NUP205: variants seen among roughly 807,000 people sequenced by gnomAD.
NUP205 encodes nucleoporin 205.
In NUP205, 76 loss-of-function variants were observed where a neutral mutation model predicts 253.8. The observed-to-expected ratio is 0.30, with a 90% CI of 0.25 to 0.36. The LOEUF is 0.36. Ranked by LOEUF, NUP205 falls within the 10% of genes least tolerant of loss-of-function variation. NUP205 has a pLI of 1.00. For missense variants in NUP205, 2,162 were observed against 2,425.5 expected, an observed-to-expected ratio of 0.89 and a Z score of 2.28; for synonymous variants, 832 against 850.1, an observed-to-expected ratio of 0.98 and a Z score of 0.37.
chr7:135,628,345 CAA>C lies in NUP205; in HGVS notation c.4932+235_4932+236del, dbSNP rs571024444. On this transcript the variant is annotated intron_variant, in intron 34 of 42. Coordinates refer to ENST00000285968, the MANE Select transcript of NUP205 (RefSeq NM_015135.3). ...ATTAATAGAATCATAAGACAGGAAA[CAA>C]GAGATTGAAATTTGTTCTTCTATAA... Among the ~76,000 whole-genome samples the C allele has an allele frequency of 1.1e-3, 164 of 152,042 alleles. 1 individual carries two copies. The highest frequency in any genetic ancestry group is 3.5e-3 in the African/African-American group (144 of 41,484).
intron 1 of NUP205, among the ~76,000 whole-genome samples, chr7:135,568,812 C>G (rs539681261): frequency 6.6e-6 from 1 of 152,186 alleles, no homozygotes; most frequent in South Asian, 2.1e-4. Flanking sequence ...ATCCTTTGCT[C>G]ACACTTGTTC....
chr7:135,606,299 G>A lies in NUP205; in HGVS notation c.2905+73G>A, dbSNP rs1794085043. 23 of 984,242 alleles carry A rather than the reference G, an allele frequency of 2.3e-5. 1 individual carries two copies. Among genetic ancestry groups the A allele is most frequent in the South Asian group, 2.3e-4 (17 of 73,362 alleles). 61.0% of individuals were successfully genotyped at this position (984,242 alleles called of 1,614,324 possible). On this transcript the variant is annotated intron_variant, in intron 20 of 42. Transcript: ENST00000285968. ...TATGCTTAATTTAAAGAAAACACTT[G>A]TAATTGTTAACTGTTTTAGTGATGG...
intron 6 of NUP205, among the ~76,000 whole-genome samples, chr7:135,578,409 A>C (rs1459888883): frequency 6.6e-6 from 1 of 152,220 alleles, no homozygotes; most frequent in Non-Finnish European, 1.5e-5. Context: ...CTGTGAAGTA[A>C]ATAAAATTTT....
At chr7:135,570,349 G>A (rs1325171955) in intron 1 of NUP205, among the ~76,000 whole-genome samples, 1 of 151,588 alleles carries the variant, frequency 6.6e-6, no homozygotes, top group Non-Finnish European at 1.5e-5. Flanking sequence ...CAAGTAGCTG[G>A]GACTACATGT....
At position 135,622,913 on chromosome 7, in the gene NUP205, T is replaced by A; in HGVS notation, c.4467T>A (p.His1489Gln). ...TCTGTCGAGATGCTTGTGATGGTCA[T>A]GAGATTGGAAGGGTAAAGCAACTCT... ...EVVCRDACDG[H>Q]EIGRMLALAL... is the part of the protein sequence containing the mutation. Residue 1489 changes from histidine to glutamine, a missense_variant, in exon 31 of 43, where the codon CAT (histidine) becomes CAA (glutamine). Transcript: ENST00000285968. 2 of 1,613,988 alleles carry A rather than the reference T, an allele frequency of 1.2e-6. No homozygotes were observed. Among genetic ancestry groups the A allele is most frequent in the Non-Finnish European group, 1.7e-6 (2 of 1,179,882 alleles).
chr7:135,558,381 CG>C (rs1356997406), intron 1 of NUP205, among the ~76,000 whole-genome samples: 3 of 152,154 alleles, frequency 2.0e-5, no homozygotes, highest in Non-Finnish European at 4.4e-5. Context: ...AAGTAGGCGT[CG>C]GAGTTCCTTA....
In NUP205 at chr7:135,557,950, G is replaced by A. The variant is rs762375284; in HGVS notation, c.6G>A (p.Ala2=). M[A]TPLAVNSAAS... ...TCTGTTAGTGCGCCTCTAAGATGGC[G>A]ACGCCTTTGGCGGTAAATTCGGGTA... Residue 2 remains alanine, a synonymous_variant, in exon 1 of 43, where the codon GCG becomes GCA. Transcript: ENST00000285968. 7 of 1,613,696 alleles carry A rather than the reference G, an allele frequency of 4.3e-6. No homozygotes were observed. In the Admixed American group the frequency reaches 6.7e-5, roughly 15 times the overall value.
chr7:135,585,302 G>A (rs1353262954), intron 8 of NUP205, among the ~76,000 whole-genome samples: 2 of 152,020 alleles, frequency 1.3e-5, no homozygotes, highest in Non-Finnish European at 2.9e-5. Flanking sequence ...ACACCTGAAG[G>A]GAAGACATAT....
chr7:135,587,806 A>T lies in NUP205; in HGVS notation c.1336-49A>T, dbSNP rs771292153. The T allele has an allele frequency of 6.4e-7, 1 of 1,553,584 alleles. No individual in the cohort carries two copies. The highest frequency in any genetic ancestry group is 2.3e-5 in the East Asian group (1 of 44,108). On this transcript the variant is annotated intron_variant, in intron 9 of 42. Transcript: ENST00000285968. ...AATGTCCTTTTTTTTATTGAAAGTA[A>T]TTTTTCAGTCATAGACATTTCCCTA...
Position 135,622,909 on chromosome 7 carries a change from G to C in NUP205, c.4463G>C (p.Gly1488Ala). Residue 1488 changes from glycine to alanine, a missense_variant, in exon 31 of 43, where the codon GGT becomes GCT. Gly to Ala is a moderately conservative substitution (Grantham distance 60). Around this residue, in one of 5 missense-constraint regions of NUP205, gnomAD observed 1,144 missense variants for 1,280.9 expected, o/e 0.89. Coordinates refer to ENST00000285968, the MANE Select transcript of NUP205 (RefSeq NM_015135.3). ...MEVVCRDACD[G>A]HEIGRMLALA... is the part of the protein sequence containing the mutation. Reference sequence around the variant, plus strand: ...GTGGTCTGTCGAGATGCTTGTGATGGTCATGAGATTGGAAGGGTAAAGCAA... The same window carrying C: ...GTGGTCTGTCGAGATGCTTGTGATGCTCATGAGATTGGAAGGGTAAAGCAA... The C allele has an allele frequency of 6.2e-7, 1 of 1,614,048 alleles. No homozygotes were observed. Among genetic ancestry groups the C allele is most frequent in the Non-Finnish European group, 8.5e-7 (1 of 1,179,992 alleles).
chr7:135,644,902 A>G lies in NUP205; in HGVS notation c.5567A>G (p.Gln1856Arg). The G allele has an allele frequency of 6.2e-7, 1 of 1,613,536 alleles. No individual in the cohort carries two copies. The highest frequency in any genetic ancestry group is 1.3e-5 in the African/African-American group (1 of 75,024). Residue 1856 changes from glutamine to arginine, a missense_variant, in exon 40 of 43, where the codon CAG becomes CGG. Gln to Arg is a conservative substitution (Grantham distance 43, BLOSUM62 1). Coordinates refer to ENST00000285968, the MANE Select transcript of NUP205 (RefSeq NM_015135.3). ...LPPDEIKELC[Q>R]SVMPAGVDKI... is the part of the protein sequence containing the mutation. ...CACATTTGTTTCTTCTAGTTGTGTC[A>G]GTCTGTGATGCCTGCTGGTGTTGAT...
intron 21 of NUP205, 115 bp from the exon 22 acceptor site, chr7:135,607,130 GAA>G: frequency 7.5e-7 from 1 of 1,324,830 alleles, no homozygotes; most frequent in Non-Finnish European, 1.0e-6. Context: ...ATCAGTATTT[GAA>G]AGAGTGTTTA....
chr7:135,618,338 A>G, intron 27 of NUP205, 74 bp from the exon 28 acceptor site: 1 of 1,276,976 alleles, frequency 7.8e-7, no homozygotes, highest in Non-Finnish European at 1.1e-6. Context: ...CCAAATAAAT[A>G]TTTTCTGAGT....
chr7:135,583,578 G>A (rs1806368951), intron 7 of NUP205, among the ~76,000 whole-genome samples: 2 of 152,132 alleles, frequency 1.3e-5, no homozygotes, highest in South Asian at 2.1e-4. Flanking sequence ...TGGCCAACAT[G>A]TTGAAACCCT....
Position 135,602,826 on chromosome 7 carries a change from C to T in NUP205, c.2534C>T (p.Ala845Val), listed in dbSNP as rs1793992288. ...PFPGKKHLEK[A>V]VQHCLALLNL... is the part of the protein sequence containing the mutation. ...ATAGGGAAAAAACACCTGGAGAAAG[C>T]AGTACAGCATTGCCTTGCACTTCTC... Residue 845 changes from alanine (A) to valine (V), a missense_variant, in exon 18 of 43, where the codon GCA becomes GTA. By Grantham distance (64) the Ala-to-Val change is moderately conservative. Around this residue, in one of 5 missense-constraint regions of NUP205, gnomAD observed 892 missense variants for 957.1 expected, o/e 0.93. Transcript: ENST00000285968. The T allele has an allele frequency of 6.2e-7, 1 of 1,610,744 alleles. No individual in the cohort carries two copies. The highest frequency in any genetic ancestry group is 8.5e-7 in the Non-Finnish European group (1 of 1,179,224).
In NUP205 at chr7:135,573,804, G is replaced by A. The variant is rs1377693737; in HGVS notation, c.322G>A (p.Ala108Thr). Reference protein sequence around the residue: ...SDLFDIGELAAVELLLAGEHQ... With the variant: ...SDLFDIGELATVELLLAGEHQ... ...CCTTTTTGATATTGGAGAATTGGCA[G>A]CTGTTGAGCTTCTTCTTGCTGGTAG... The change falls in exon 3 of 43, where the codon GCT becomes ACT. Residue 108 changes from alanine (A) to threonine (T), a missense_variant. By Grantham distance (58) the Ala-to-Thr change is moderately conservative. Around this residue, in one of 5 missense-constraint regions of NUP205, gnomAD observed 109 missense variants for 131.8 expected, o/e 0.83. Transcript: ENST00000285968. 1.1e-5 allele frequency: 17 copies of A among 1,610,778 alleles called. No individual in the cohort carries two copies. Among genetic ancestry groups the A allele is most frequent in the Non-Finnish European group, 1.4e-5 (16 of 1,179,154 alleles).
rs761189754 is a variant in NUP205, at chr7:135,598,008, A to G, written c.2075A>G (p.Asn692Ser). 1.2e-6 allele frequency: 2 copies of G among 1,614,032 alleles called. No individual in the cohort carries two copies. Among genetic ancestry groups the G allele is most frequent in the Admixed American group, 1.7e-5 (1 of 60,014 alleles). The change falls in exon 15 of 43, where the codon AAT becomes AGT. Residue 692 changes from asparagine (N) to serine (S), a missense_variant. This residue lies in a region of NUP205 where 892 missense variants were observed against 957.1 expected (regional missense o/e 0.93). Coordinates refer to ENST00000285968, the MANE Select transcript of NUP205 (RefSeq NM_015135.3). ...CTTTTTCTTTGGAAGGTTGAACTAAATGAAATAGAATCCCGGTGTGAAGAA... is the reference window on the plus strand; with the variant it reads ...CTTTTTCTTTGGAAGGTTGAACTAAGTGAAATAGAATCCCGGTGTGAAGAA... ...RQAIGIEVEL[N>S]EIESRCEEYP...
intron 7 of NUP205, among the ~76,000 whole-genome samples, chr7:135,579,153 C>T (rs916744256): frequency 2.0e-5 from 3 of 151,938 alleles, no homozygotes; most frequent in African/African-American, 7.3e-5. Flanking sequence ...GCTCTTTTAC[C>T]TTCAGGGTAT....
At chr7:135,584,329 TAA>T (rs968560078) in intron 7 of NUP205, among the ~76,000 whole-genome samples, 1 of 152,144 alleles carries the variant, frequency 6.6e-6, no homozygotes, top group African/African-American at 2.4e-5. Context: ...AAATAAAATA[TAA>T]AAAAATTACA....
Sources: gnomAD v4.1 joint callset for allele counts (sites outside exome capture counted in the v4.1 genomes callset) on GRCh38, gnomAD v4.1.1 for gene constraint, gnomAD v4.1.1 regional missense constraint, MANE v1.5 for transcripts, NCBI Gene and HGNC (gene_info 2026-07-23, HGNC 2026-07-21) for gene names.